The following PPIP5K2 variants were observed in gnomAD, a reference collection of about 807,000 sequenced individuals.
The protein encoded by PPIP5K2 is diphosphoinositol pentakisphosphate kinase 2, also known as inositol hexakisphosphate and diphosphoinositol-pentakisphosphate kinase 2.
A neutral mutation model predicts 154.6 loss-of-function variants in PPIP5K2; 105 were observed. The observed-to-expected ratio is 0.68, with a 90% CI of 0.58 to 0.80. PPIP5K2 has a LOEUF of 0.80. PPIP5K2 is among the 30% of genes least tolerant of loss of function. PPIP5K2 has a pLI of 0.00. For synonymous variants in PPIP5K2, 480 were observed against 490.3 expected (o/e 0.98, Z 0.28); for missense variants, 992 against 1,504.6 (o/e 0.66, Z 5.64).
intron 8 of PPIP5K2, 39 bp downstream of exon 8, chr5:103,149,352 A>G: frequency 6.5e-7 from 1 of 1,537,030 alleles, no homozygotes; most frequent in Non-Finnish European, 8.8e-7. Context: ...TTATAAAGGT[A>G]AATTCTAATT....
chr5:103,141,841 CAG>C (rs1792738278), intron 5 of PPIP5K2, among the ~76,000 whole-genome samples: 1 of 152,194 alleles, frequency 6.6e-6, no homozygotes. Flanking sequence ...GAGCTAGATA[CAG>C]AGTGTAGATT....
At chr5:103,159,101 G>A (rs782817322) in intron 16 of PPIP5K2, 45 bp from the exon 17 acceptor site, 63 of 1,285,112 alleles carry the variant, frequency 4.9e-5, no homozygotes, top group African/African-American at 2.7e-4. Context: ...ATTATTTTAC[G>A]TATTAATTTT....
intron 9 of PPIP5K2, 96 bp downstream of exon 9, chr5:103,151,470 C>G: frequency 9.8e-7 from 1 of 1,024,456 alleles, no homozygotes; most frequent in South Asian, 1.7e-5. Context: ...TTTAAGCATT[C>G]TAGAGTAAAG....
At chr5:103,185,964 T>G (rs1205194006) in intron 26 of PPIP5K2, among the ~76,000 whole-genome samples, 1 of 151,984 alleles carries the variant, frequency 6.6e-6, no homozygotes, top group African/African-American at 2.4e-5. Flanking sequence ...GGCTTGCCCT[T>G]GGAAATTGAT....
In PPIP5K2 at chr5:103,188,111, A is replaced by G. The variant is rs75895082; in HGVS notation, c.3352+735A>G. 1.3e-3 allele frequency among the ~76,000 whole-genome samples: 200 copies of G among 152,274 alleles called. 5 individuals carry two copies. The East Asian group carries it at 0.031, about 24-fold the overall frequency. ...TTAAATTCCATTTTTGAGGCTGAAT[A>G]GGAAAGTGTTTCATGACCATTATTG... On this transcript the variant is annotated intron_variant, in intron 28 of 30. Transcript: ENST00000358359.
rs376116730 is a variant in PPIP5K2, at chr5:103,198,951, C to T, written c.3620-2571C>T. Among the ~76,000 whole-genome samples, 129 of 151,190 alleles carry T rather than the reference C, an allele frequency of 8.5e-4. 3 individuals carry two copies. The South Asian group carries it at 0.026, about 30-fold the overall frequency. On this transcript the variant is annotated intron_variant, in intron 30 of 30. Transcript: ENST00000358359. The stretch of plus-strand genomic sequence containing the variant: ...TATGGACTTTTGCTGTATCTTTTTG[C>T]ATTTTTTTTTGTTGCTCTAAATATA...
intron 6 of PPIP5K2, among the ~76,000 whole-genome samples, chr5:103,147,193 C>T (rs1443148130): frequency 4.6e-5 from 7 of 151,858 alleles, no homozygotes; most frequent in Non-Finnish European, 8.8e-5. Context: ...AGCAATGTAG[C>T]CTCTTAACAA....
At chr5:103,190,803 C>T in intron 28 of PPIP5K2, 39 bp from the exon 29 acceptor site, 2 of 1,521,654 alleles carry the variant, frequency 1.3e-6, no homozygotes, top group South Asian at 1.3e-5. Context: ...TTAAAATATC[C>T]ATCTTTTATT....
chr5:103,146,778 C>T (rs1793826097), intron 6 of PPIP5K2, 97 bp downstream of exon 6: 2 of 1,062,990 alleles, frequency 1.9e-6, no homozygotes, highest in Admixed American at 2.8e-5. Context: ...AAATATTGAA[C>T]TCTTGAAAAT....
At chr5:103,125,176 T>C (rs1789440099) in intron 1 of PPIP5K2, among the ~76,000 whole-genome samples, 2 of 152,216 alleles carry the variant, frequency 1.3e-5, no homozygotes, top group African/African-American at 2.4e-5. Flanking sequence ...ACATTGGAAT[T>C]ACCTGGGAAG....
chr5:103,142,405 C>G (rs940236091), intron 5 of PPIP5K2, among the ~76,000 whole-genome samples: 3 of 152,186 alleles, frequency 2.0e-5, no homozygotes, highest in Admixed American at 1.3e-4. Flanking sequence ...CCCCAGTTCC[C>G]GCTCGCGCCT....
chr5:103,136,902 GGT>G, intron 4 of PPIP5K2, 80 bp downstream of exon 4: 3 of 987,980 alleles, frequency 3.0e-6, no homozygotes, highest in Non-Finnish European at 4.8e-6. Flanking sequence ...CATGGCATCA[GGT>G]GTTTTTGCAT....
At chr5:103,123,898 G>A (rs1010690682) in intron 1 of PPIP5K2, among the ~76,000 whole-genome samples, 3 of 152,204 alleles carry the variant, frequency 2.0e-5, no homozygotes, top group Admixed American at 2.0e-4. Flanking sequence ...AGTGCTATAT[G>A]TATAAACTGT....
At chr5:103,164,862 T>C (rs1306307098) in intron 17 of PPIP5K2, among the ~76,000 whole-genome samples, 1 of 152,100 alleles carries the variant, frequency 6.6e-6, no homozygotes, top group African/African-American at 2.4e-5. Context: ...ACTATATTTT[T>C]ATTGATGGCT....
intron 19 of PPIP5K2, among the ~76,000 whole-genome samples, chr5:103,169,339 A>G (rs1266409516): frequency 6.6e-6 from 1 of 151,758 alleles, no homozygotes; most frequent in Admixed American, 6.6e-5. Context: ...AAAGTTTGAA[A>G]GCAGGAAAAT....
chr5:103,165,565 G>T (rs1258314605), intron 17 of PPIP5K2, among the ~76,000 whole-genome samples: 1 of 152,072 alleles, frequency 6.6e-6, no homozygotes, highest in Non-Finnish European at 1.5e-5. Context: ...CCTGCGAGGG[G>T]CAACATGAAT....
chr5:103,184,698 G>A lies in PPIP5K2; in HGVS notation c.3123G>A (p.Leu1041=). 3 of 1,612,564 alleles carry A rather than the reference G, an allele frequency of 1.9e-6. No homozygotes were observed. Among genetic ancestry groups the A allele is most frequent in the Non-Finnish European group, 2.5e-6 (3 of 1,178,892 alleles). Residue 1041 remains leucine, a synonymous_variant, in exon 26 of 31, where the codon CTG becomes CTA. Coordinates refer to ENST00000358359, the MANE Select transcript of PPIP5K2 (RefSeq NM_001276277.3). ...QQVVSENANY[L]RTPRTLVEQK... ...TTGTATCTGAAAATGCTAATTACCT[G>A]AGAACACCAAGAACTCTTGTGGAAC...
At chr5:103,172,886 C>T (rs1798172551) in intron 19 of PPIP5K2, among the ~76,000 whole-genome samples, 1 of 151,754 alleles carries the variant, frequency 6.6e-6, no homozygotes, top group African/African-American at 2.4e-5. Flanking sequence ...TTAGTGAATA[C>T]TAGTCATAAA....
At chr5:103,151,158 C>A in intron 8 of PPIP5K2, 95 bp from the exon 9 acceptor site, 1 of 1,000,258 alleles carries the variant, frequency 1.0e-6, no homozygotes, top group Non-Finnish European at 1.4e-6. Flanking sequence ...TACTTTTAAG[C>A]ATTTATAAAA....
Sources: gnomAD v4.1 joint callset for allele counts (sites outside exome capture counted in the v4.1 genomes callset) on GRCh38, gnomAD v4.1.1 for gene constraint, MANE v1.5 for transcripts, NCBI Gene and HGNC (gene_info 2026-07-23, HGNC 2026-07-21) for gene names.